Variants in THADA observed in about 807,000 individuals in gnomAD.
THADA encodes the protein THADA armadillo repeat containing, also known as tRNA (32-2'-O)-methyltransferase regulator THADA.
In THADA, 213 loss-of-function variants were observed where a neutral mutation model predicts 219.8. The observed-to-expected ratio is 0.97, with a 90% CI of 0.87 to 1.09. The LOEUF (loss-of-function observed/expected upper bound fraction) is 1.09. Ranked by LOEUF, THADA falls within the 50% of genes least tolerant of loss-of-function variation. THADA has a pLI of 0.00. For synonymous variants in THADA, 1,018 were observed against 828.9 expected, an observed-to-expected ratio of 1.23 and a Z score of -3.92; for missense variants, 2,956 against 2,311.3, an observed-to-expected ratio of 1.28 and a Z score of -5.72.
intron 26 of THADA, among the ~76,000 whole-genome samples, chr2:43,460,238 TAAAAAAAAAAA>T (rs10560565): frequency 3.0e-4 from 19 of 63,544 alleles, no homozygotes; most frequent in South Asian, 7.1e-4. Flanking sequence ...TTTCTCTTAA[TAAAAAAAAAAA>T]AAAAAAAAAA....
intron 23 of THADA, among the ~76,000 whole-genome samples, chr2:43,507,947 A>T (rs541387251): frequency 6.6e-6 from 1 of 152,338 alleles, no homozygotes; most frequent in South Asian, 2.1e-4. Context: ...AGCAGTGTGT[A>T]TGTTTTCATA....
At chr2:43,371,064 A>G (rs1454702140) in intron 29 of THADA, among the ~76,000 whole-genome samples, 1 of 152,212 alleles carries the variant, frequency 6.6e-6, no homozygotes, top group Non-Finnish European at 1.5e-5. Context: ...ACATGCCCAC[A>G]ACATTTTCTT....
chr2:43,532,173 A>G (rs1693962161), intron 21 of THADA, among the ~76,000 whole-genome samples: 1 of 152,052 alleles, frequency 6.6e-6, no homozygotes. Flanking sequence ...GCACTTTGGG[A>G]GGCTGAGGCT....
intron 30 of THADA, among the ~76,000 whole-genome samples, chr2:43,329,930 C>A (rs181245653): frequency 1.1e-3 from 167 of 152,314 alleles, no homozygotes; most frequent in Non-Finnish European, 1.9e-3. Flanking sequence ...ATCTTCTTAG[C>A]ACTTTTATGT....
chr2:43,319,730 G>A (rs1678475793), intron 31 of THADA, among the ~76,000 whole-genome samples: 1 of 152,182 alleles, frequency 6.6e-6, no homozygotes, highest in Admixed American at 6.5e-5. Context: ...TCAATTAGAA[G>A]AGGCTGATTT....
intron 26 of THADA, among the ~76,000 whole-genome samples, chr2:43,457,962 T>C (rs2104918458): frequency 6.6e-6 from 1 of 151,978 alleles, no homozygotes; most frequent in African/African-American, 2.4e-5. Flanking sequence ...TATCCTTACA[T>C]ACACACACAG....
chr2:43,572,711 C>T (rs768724832), intron 12 of THADA, 103 bp downstream of exon 12: 1 of 960,654 alleles, frequency 1.0e-6, no homozygotes, highest in Non-Finnish European at 1.5e-6. Context: ...TCTTTATGAA[C>T]TCCCTAAAAC....
chr2:43,456,618 G>A (rs1244426688), intron 26 of THADA, among the ~76,000 whole-genome samples: 1 of 151,798 alleles, frequency 6.6e-6, no homozygotes, highest in East Asian at 1.9e-4. Flanking sequence ...TATAAAATGG[G>A]AATAATAGTG....
rs192656645 is a variant in THADA, at chr2:43,233,164, C to T, written c.5297-282G>A. 3 of 373,132 alleles carry T rather than the reference C, an allele frequency of 8.0e-6. No individual in the cohort carries two copies. The Admixed American group carries it at 1.1e-4, about 14-fold the overall frequency. 23.1% of individuals were successfully genotyped at this position (373,132 alleles called of 1,614,324 possible). A position where few individuals can be genotyped will look rare whatever the true frequency, so the allele number is the denominator to read the frequency against. On this transcript the variant is annotated intron_variant, in intron 36 of 37. Coordinates refer to ENST00000405975, the MANE Select transcript of THADA (RefSeq NM_022065.5). The stretch of plus-strand genomic sequence containing the variant: ...TCTGCAGGATTAGAGAGTTATCTCC[C>T]CTCTGCTCCTCCAGTGTCACCAGAA...
chr2:43,510,302 T>C (rs976978295), intron 22 of THADA, among the ~76,000 whole-genome samples: 2 of 152,170 alleles, frequency 1.3e-5, no homozygotes, highest in African/African-American at 4.8e-5. Flanking sequence ...TGATCACTAT[T>C]GAATTTGGAT....
chr2:43,585,040 C>T (rs549052198), intron 7 of THADA, among the ~76,000 whole-genome samples: 49 of 152,134 alleles, frequency 3.2e-4, no homozygotes, highest in Admixed American at 7.2e-4. Context: ...AAGAGTCTTC[C>T]GTGGCAAATC....
intron 26 of THADA, among the ~76,000 whole-genome samples, chr2:43,445,038 C>T (rs1002823177): frequency 6.6e-6 from 1 of 152,092 alleles, no homozygotes; most frequent in African/African-American, 2.4e-5. Context: ...GTATTTCAAT[C>T]GGGAAGCCAA....
intron 26 of THADA, chr2:43,463,062 A>T (rs1683822404): frequency 2.0e-5 from 3 of 152,206 alleles, no homozygotes; most frequent in Non-Finnish European, 1.5e-5. Context: ...GCTGAGGTTT[A>T]AGGGAAAATC....
intron 36 of THADA, among the ~76,000 whole-genome samples, chr2:43,248,164 TAG>T (rs70963389): frequency 0.012 from 477 of 40,312 alleles, 1 homozygote; most frequent in Non-Finnish European, 0.015. Flanking sequence ...TATATATATA[TAG>T]AGAGAGAGAG....
At chr2:43,576,870 G>A (rs1428387626) in intron 10 of THADA, among the ~76,000 whole-genome samples, 152 bp downstream of exon 10, 1 of 152,138 alleles carries the variant, frequency 6.6e-6, no homozygotes, top group Non-Finnish European at 1.5e-5. Flanking sequence ...ACCAAGGCTG[G>A]TTTTGAACTC....
intron 25 of THADA, among the ~76,000 whole-genome samples, chr2:43,489,286 T>C (rs1452623436): frequency 6.6e-6 from 1 of 152,138 alleles, no homozygotes; most frequent in Non-Finnish European, 1.5e-5. Context: ...GCTCAAACAA[T>C]CCTCCAGCTG....
At chr2:43,430,050 C>G (rs1679032458) in intron 27 of THADA, among the ~76,000 whole-genome samples, 163 bp downstream of exon 27, 1 of 151,836 alleles carries the variant, frequency 6.6e-6, no homozygotes, top group Non-Finnish European at 1.5e-5. Flanking sequence ...CCACTGTACT[C>G]CAGCTTGGGT....
At chr2:43,529,390 A>G (rs1292812075) in intron 21 of THADA, among the ~76,000 whole-genome samples, 1 of 152,170 alleles carries the variant, frequency 6.6e-6, no homozygotes, top group Non-Finnish European at 1.5e-5. Context: ...GCTTAAGTAC[A>G]GTGGCTATTC....
chr2:43,447,222 G>C (rs977395227), intron 26 of THADA, among the ~76,000 whole-genome samples: 1 of 152,040 alleles, frequency 6.6e-6, no homozygotes, highest in East Asian at 1.9e-4. Flanking sequence ...TCCGTCCTAC[G>C]ATGCATGGGG....
Sources: gnomAD v4.1 joint callset for allele counts (sites outside exome capture counted in the v4.1 genomes callset) on GRCh38, gnomAD v4.1.1 for gene constraint, MANE v1.5 for transcripts, NCBI Gene and HGNC (gene_info 2026-07-23, HGNC 2026-07-21) for gene names.